Variants in CCSER1 observed in about 807,000 individuals in gnomAD.
CCSER1 encodes the protein coiled-coil serine rich protein 1, also known as serine-rich coiled-coil domain-containing protein 1.
In CCSER1, 41 loss-of-function variants were observed where a neutral mutation model predicts 82.0. That is an observed-to-expected ratio of 0.50 (90% confidence interval 0.39 to 0.65). The LOEUF (loss-of-function observed/expected upper bound fraction) is 0.65, where lower values mean the gene tolerates loss of function less well. Ranked by LOEUF, CCSER1 falls within the 30% of genes least tolerant of loss-of-function variation. The pLI is 0.00. For missense variants in CCSER1, 1,119 were observed against 1,064.2 expected (o/e 1.05, Z -0.72); for synonymous variants, 414 against 383.9 (o/e 1.08, Z -0.92).
intron 7 of CCSER1, among the ~76,000 whole-genome samples, chr4:90,743,461 T>C (rs1156450389): frequency 6.6e-6 from 1 of 152,228 alleles, no homozygotes; most frequent in Non-Finnish European, 1.5e-5. Flanking sequence ...GTCTTCTTTT[T>C]CTCACATAGT....
At chr4:90,196,244 CA>C (rs1307232755) in intron 1 of CCSER1, among the ~76,000 whole-genome samples, 6 of 151,998 alleles carry the variant, frequency 3.9e-5, no homozygotes, top group Admixed American at 2.0e-4. Flanking sequence ...TCCTCCACTG[CA>C]GACCTTATGT....
chr4:90,540,303 T>C (rs1044554783), intron 5 of CCSER1, among the ~76,000 whole-genome samples: 3 of 152,080 alleles, frequency 2.0e-5, no homozygotes, highest in African/African-American at 7.2e-5. Context: ...TTCAATAACA[T>C]ATTTTGTGTT....
intron 10 of CCSER1, among the ~76,000 whole-genome samples, chr4:91,140,223 G>C (rs906655931): frequency 8.6e-5 from 13 of 151,662 alleles, no homozygotes; most frequent in Non-Finnish European, 1.5e-5. Context: ...TGGTAATATA[G>C]TATAATGATG....
chr4:90,317,045 T>C (rs1736298906), intron 3 of CCSER1, among the ~76,000 whole-genome samples: 1 of 152,168 alleles, frequency 6.6e-6, no homozygotes, highest in African/African-American at 2.4e-5. Context: ...AATGCTGTTC[T>C]AGAAAAAAGT....
chr4:91,257,389 GA>G (rs371371854), intron 10 of CCSER1, among the ~76,000 whole-genome samples: 4 of 151,176 alleles, frequency 2.6e-5, no homozygotes, highest in African/African-American at 9.7e-5. Flanking sequence ...AACTCAACAT[GA>G]AAAAATACAT....
At chr4:90,820,320 G>A (rs189416055) in intron 8 of CCSER1, among the ~76,000 whole-genome samples, 26 of 152,268 alleles carry the variant, frequency 1.7e-4, no homozygotes, top group Non-Finnish European at 2.9e-4. Context: ...TCACAGACTG[G>A]ATAATTTATG....
intron 10 of CCSER1, among the ~76,000 whole-genome samples, chr4:91,270,154 TAAAG>T (rs1741908876): frequency 6.6e-6 from 1 of 152,242 alleles, no homozygotes; most frequent in African/African-American, 2.4e-5. Context: ...AGCTTTTGGA[TAAAG>T]AGTTACTTAA....
At chr4:90,762,165 T>C (rs1452375892) in intron 7 of CCSER1, among the ~76,000 whole-genome samples, 2 of 152,136 alleles carry the variant, frequency 1.3e-5, no homozygotes, top group East Asian at 1.9e-4. Context: ...AATTGAATCA[T>C]AGGGGTGGTT....
At chr4:90,974,690 A>AAAT (rs1037702055) in intron 9 of CCSER1, among the ~76,000 whole-genome samples, 1 of 151,466 alleles carries the variant, frequency 6.6e-6, no homozygotes, top group Non-Finnish European at 1.5e-5. Context: ...AGGATAGTTA[A>AAAT]AATAATAATA....
At chr4:91,422,699 GA>G (rs1244456858) in intron 10 of CCSER1, among the ~76,000 whole-genome samples, 46 of 151,966 alleles carry the variant, frequency 3.0e-4, no homozygotes, top group Non-Finnish European at 1.2e-4. Context: ...GTATAAAAAA[GA>G]AAAAAACAGA....
intron 10 of CCSER1, among the ~76,000 whole-genome samples, chr4:91,591,214 A>C (rs1278333674): frequency 6.6e-6 from 1 of 152,158 alleles, no homozygotes; most frequent in Non-Finnish European, 1.5e-5. Flanking sequence ...ACAGTACATA[A>C]AATGAAAATG....
chr4:91,476,348 A>G (rs1042549143), intron 10 of CCSER1, among the ~76,000 whole-genome samples: 1 of 151,698 alleles, frequency 6.6e-6, no homozygotes, highest in South Asian at 2.1e-4. Context: ...GGGATGATAT[A>G]TCTTTTTATG....
intron 8 of CCSER1, among the ~76,000 whole-genome samples, chr4:90,863,448 A>G (rs1302189104): frequency 6.6e-6 from 1 of 151,902 alleles, no homozygotes; most frequent in Non-Finnish European, 1.5e-5. Flanking sequence ...ATACTTTTAC[A>G]TATCACATCT....
intron 8 of CCSER1, among the ~76,000 whole-genome samples, chr4:90,826,840 A>T (rs1360974212): frequency 6.6e-6 from 1 of 152,210 alleles, no homozygotes; most frequent in African/African-American, 2.4e-5. Context: ...AATAGCTACT[A>T]TTTATGGATT....
At chr4:90,726,362 C>T (rs1013067657) in intron 7 of CCSER1, among the ~76,000 whole-genome samples, 7 of 151,600 alleles carry the variant, frequency 4.6e-5, no homozygotes, top group Non-Finnish European at 1.0e-4. Context: ...CCACTAATAC[C>T]CATGCCTTTA....
intron 10 of CCSER1, among the ~76,000 whole-genome samples, chr4:91,150,865 G>C (rs1730108937): frequency 6.6e-6 from 1 of 152,144 alleles, no homozygotes; most frequent in Non-Finnish European, 1.5e-5. Context: ...CGCTGGATTT[G>C]ATTTGCCAGT....
At chr4:91,515,368 C>T (rs886643002) in intron 10 of CCSER1, among the ~76,000 whole-genome samples, 1 of 152,052 alleles carries the variant, frequency 6.6e-6, no homozygotes, top group East Asian at 1.9e-4. Flanking sequence ...TAACCTCCAT[C>T]CTCAAGTAGA....
intron 9 of CCSER1, among the ~76,000 whole-genome samples, chr4:91,024,799 A>G (rs1193025422): frequency 6.6e-6 from 1 of 152,088 alleles, no homozygotes; most frequent in African/African-American, 2.4e-5. Flanking sequence ...GAGATAGTCC[A>G]TGAAGACTTT....
chr4:91,496,686 T>TTCA (rs1758869940), intron 10 of CCSER1, among the ~76,000 whole-genome samples: 1 of 16,044 alleles, frequency 6.2e-5, no homozygotes, highest in Non-Finnish European at 2.0e-4. Context: ...TATTTGAATA[T>TTCA]ATATATATTC....
Sources: allele counts gnomAD v4.1 joint callset (sites outside exome capture counted in the v4.1 genomes callset), GRCh38; gene constraint gnomAD v4.1.1; transcripts MANE v1.5; gene names NCBI Gene and HGNC (gene_info 2026-07-23, HGNC 2026-07-21).